The following SHANK2 variants were observed in gnomAD, a reference collection of about 807,000 sequenced individuals.
The protein encoded by SHANK2 is SH3 and multiple ankyrin repeat domains protein 2.
Under a neutral mutation model 133.7 loss-of-function variants are expected in SHANK2, and 43 were observed. The ratio of observed to expected loss-of-function variants is 0.32; its 90% CI spans 0.25 to 0.41. SHANK2 has a LOEUF of 0.41. Among genes scored for constraint, SHANK2 ranks in the 10% least tolerant of loss-of-function variants. SHANK2 has a pLI of 1.00. For missense variants in SHANK2, 1,994 were observed against 2,235.8 expected (o/e 0.89, Z 2.18); for synonymous variants, 1,017 against 952.8 (o/e 1.07, Z -1.24).
At chr11:70,733,066 C>T (rs1264731608) in intron 14 of SHANK2, among the ~76,000 whole-genome samples, 5 of 152,310 alleles carry the variant, frequency 3.3e-5, no homozygotes, top group Non-Finnish European at 5.9e-5. Context: ...GAGAGACAGA[C>T]GCGGAGCAGA....
chr11:70,820,950 G>C (rs1344890622), intron 11 of SHANK2, among the ~76,000 whole-genome samples: 2 of 152,292 alleles, frequency 1.3e-5, no homozygotes, highest in Non-Finnish European at 2.9e-5. Context: ...AAGGGACGTG[G>C]GGTCTGAGCT....
At chr11:71,160,721 T>C (rs1952995773) in intron 2 of SHANK2, among the ~76,000 whole-genome samples, 1 of 152,196 alleles carries the variant, frequency 6.6e-6, no homozygotes, top group Admixed American at 6.5e-5. Context: ...GTGTAAAACA[T>C]AACAGAGTTG....
intron 14 of SHANK2, among the ~76,000 whole-genome samples, chr11:70,702,769 G>T (rs1421586578): frequency 6.6e-6 from 1 of 152,204 alleles, no homozygotes; most frequent in Non-Finnish European, 1.5e-5. Flanking sequence ...TCTTGTCCCT[G>T]GTTTACAGAA....
chr11:70,542,146 C>T (rs12271322), intron 17 of SHANK2, among the ~76,000 whole-genome samples: 38,456 of 152,148 alleles, frequency 0.25, 5,647 homozygotes, highest in East Asian at 0.6. Flanking sequence ...CGGTGGCCCT[C>T]GAAAGATATG....
chr11:70,872,037 G>C (rs1346034590), intron 11 of SHANK2, among the ~76,000 whole-genome samples: 1 of 152,176 alleles, frequency 6.6e-6, no homozygotes, highest in Non-Finnish European at 1.5e-5. Context: ...GCATGTGCAC[G>C]CTGCCTGCTT....
At chr11:70,769,213 C>T (rs1014495873) in intron 14 of SHANK2, among the ~76,000 whole-genome samples, 18 of 152,138 alleles carry the variant, frequency 1.2e-4, no homozygotes, top group African/African-American at 3.1e-4. Flanking sequence ...TTCAGCGGAG[C>T]GAGTGCAGCC....
intron 17 of SHANK2, among the ~76,000 whole-genome samples, chr11:70,614,715 C>T (rs539171675): frequency 6.6e-6 from 1 of 152,226 alleles, no homozygotes; most frequent in Admixed American, 6.5e-5. Context: ...CCAAATAGGC[C>T]TTGGGTCTGT....
intron 10 of SHANK2, among the ~76,000 whole-genome samples, chr11:70,945,012 T>C (rs1950703139): frequency 6.6e-6 from 1 of 152,232 alleles, no homozygotes; most frequent in Non-Finnish European, 1.5e-5. Context: ...GTTCCCCAAA[T>C]TGTCTTGGTT....
rs56696086 is a variant in SHANK2, at chr11:70,792,104, TAACCAACC to T, written c.1777+6331_1777+6338del. Among the ~76,000 whole-genome samples, 12 of 151,558 alleles carry T rather than the reference TAACCAACC, an allele frequency of 7.9e-5. No homozygotes were observed. In the South Asian group the frequency reaches 1.0e-3, roughly 13 times the overall value. ...CCAACAAACCAATCAGCCAGCCAGC[TAACCAACC>T]AACCAACCAACCAACCAACTAACCA... is the stretch of plus-strand genomic sequence containing the variant. On this transcript the variant is annotated intron_variant, in intron 14 of 25. Transcript: ENST00000601538.
rs1555106936 is a variant in SHANK2 at position 71,147,332 on chromosome 11, C to T, written c.-6G>A. 3.9e-6 allele frequency: 6 copies of T among 1,544,028 alleles called. No individual in the cohort carries two copies. Among genetic ancestry groups the T allele is most frequent in the East Asian group, 2.5e-5 (1 of 40,690 alleles). ...GATGTTGGGCTGCGCGGCATGGCTG[C>T]CTGTGTCTTCGAGGTGGGGAGAAGG... On this transcript the variant is annotated 5_prime_UTR_variant, in exon 3 of 26. Coordinates refer to ENST00000601538, the MANE Select transcript of SHANK2 (RefSeq NM_012309.5).
intron 17 of SHANK2, among the ~76,000 whole-genome samples, chr11:70,514,205 G>A (rs1364846320): frequency 6.6e-6 from 1 of 152,178 alleles, no homozygotes; most frequent in Non-Finnish European, 1.5e-5. Context: ...CCATGGAGAA[G>A]AACCTCTTGT....
At chr11:71,141,961 G>A (rs188027225) in intron 3 of SHANK2, among the ~76,000 whole-genome samples, 99 of 149,210 alleles carry the variant, frequency 6.6e-4, no homozygotes, top group Middle Eastern at 3.4e-3. Context: ...AACCTCCAAC[G>A]GTCTCTGAGC....
chr11:70,761,019 C>T (rs1387983476), intron 14 of SHANK2, among the ~76,000 whole-genome samples: 7 of 152,168 alleles, frequency 4.6e-5, no homozygotes, highest in South Asian at 2.1e-4. Context: ...TTCCAGGCTG[C>T]AGGTCGGGTG....
intron 8 of SHANK2, 28 bp from the exon 9 acceptor site, chr11:71,075,303 C>T (rs1359487010): frequency 5.7e-6 from 1 of 174,626 alleles, no homozygotes; most frequent in African/African-American, 2.4e-5. Context: ...GGCTGTGAAT[C>T]AGGAACCCTC....
intron 10 of SHANK2, among the ~76,000 whole-genome samples, chr11:70,941,670 C>T (rs1950650230): frequency 6.6e-6 from 1 of 152,056 alleles, no homozygotes; most frequent in African/African-American, 2.4e-5. Context: ...TCTTTCTTTG[C>T]CACATGAGGG....
intron 12 of SHANK2, among the ~76,000 whole-genome samples, chr11:70,818,119 G>A (rs1948438604): frequency 6.6e-6 from 1 of 152,156 alleles, no homozygotes; most frequent in Non-Finnish European, 1.5e-5. Context: ...CAGTACAGAA[G>A]CGTGTATGCA....
intron 1 of SHANK2, among the ~76,000 whole-genome samples, chr11:71,230,910 C>T (rs781820947): frequency 4.6e-5 from 7 of 152,078 alleles, no homozygotes; most frequent in Non-Finnish European, 7.4e-5. Flanking sequence ...ATGCCTTATA[C>T]AAAAATTAAT....
intron 2 of SHANK2, among the ~76,000 whole-genome samples, chr11:71,183,024 G>A (rs1376971199): frequency 6.6e-6 from 1 of 152,140 alleles, no homozygotes. Flanking sequence ...TGGGAGTCTT[G>A]TGTCTTCATG....
At chr11:70,495,163 G>A (rs530689316) in intron 21 of SHANK2, among the ~76,000 whole-genome samples, 45 of 152,324 alleles carry the variant, frequency 3.0e-4, no homozygotes, top group Non-Finnish European at 6.0e-4. Context: ...GCTGCAGCAG[G>A]TGCTGCATGG....
Sources: allele counts gnomAD v4.1 joint callset (sites outside exome capture counted in the v4.1 genomes callset), GRCh38; gene constraint gnomAD v4.1.1; transcripts MANE v1.5; gene names NCBI Gene and HGNC (gene_info 2026-07-23, HGNC 2026-07-21).